Variants in DLG2 observed in about 807,000 individuals in gnomAD.
DLG2 encodes discs large MAGUK scaffold protein 2, also known as disks large homolog 2.
DLG2 carries 45 observed loss-of-function variants against 132.5 expected under a neutral mutation model. The ratio of observed to expected loss-of-function variants is 0.34; its 90% confidence interval spans 0.27 to 0.44. The LOEUF is 0.44. Ranked by LOEUF, DLG2 falls within the 20% of genes least tolerant of loss-of-function variation. The pLI, the probability that DLG2 is intolerant of heterozygous loss-of-function variation, is 1.00. For missense variants in DLG2, 1,045 were observed against 1,196.9 expected, an observed-to-expected ratio of 0.87 and a Z score of 1.87; for synonymous variants, 424 against 419.6, an observed-to-expected ratio of 1.01 and a Z score of -0.13.
At chr11:84,798,612 T>C (rs1302849970) in intron 6 of DLG2, among the ~76,000 whole-genome samples, 2 of 152,168 alleles carry the variant, frequency 1.3e-5, no homozygotes, top group Admixed American at 6.5e-5. Flanking sequence ...AGAAATGCTG[T>C]CCAAGAGCCT....
chr11:85,423,342 T>C (rs79481548), intron 3 of DLG2, among the ~76,000 whole-genome samples: 5,365 of 152,314 alleles, frequency 0.035, 148 homozygotes, highest in Admixed American at 0.051. Flanking sequence ...GGCAGGTGGA[T>C]GTACTGGATC....
At chr11:84,843,517 T>C (rs1566121554) in intron 6 of DLG2, among the ~76,000 whole-genome samples, 2 of 151,880 alleles carry the variant, frequency 1.3e-5, no homozygotes, top group South Asian at 2.1e-4. Context: ...TTCCTTTGTA[T>C]AATAGGGAGA....
At chr11:85,403,347 G>A (rs1237675834) in intron 3 of DLG2, among the ~76,000 whole-genome samples, 1 of 152,058 alleles carries the variant, frequency 6.6e-6, no homozygotes, top group South Asian at 2.1e-4. Context: ...GTCAGTTGGT[G>A]GGGGCTGGGG....
intron 18 of DLG2, among the ~76,000 whole-genome samples, chr11:83,733,694 A>C (rs1401697674): frequency 6.6e-6 from 1 of 152,194 alleles, no homozygotes; most frequent in African/African-American, 2.4e-5. Flanking sequence ...AACTATGCCC[A>C]GTTCTAGCAA....
At chr11:84,799,688 T>A (rs1236947683) in intron 6 of DLG2, among the ~76,000 whole-genome samples, 1 of 151,678 alleles carries the variant, frequency 6.6e-6, no homozygotes, top group Non-Finnish European at 1.5e-5. Flanking sequence ...TTCTTCATAA[T>A]TTTTTTTTAA....
At chr11:85,420,825 C>G (rs2090240045) in intron 3 of DLG2, among the ~76,000 whole-genome samples, 1 of 152,134 alleles carries the variant, frequency 6.6e-6, no homozygotes, top group Admixed American at 6.5e-5. Context: ...TCAGACTGCT[C>G]TGCTGGCAGC....
At chr11:83,508,061 G>A (rs2094821161) in intron 21 of DLG2, among the ~76,000 whole-genome samples, 4 of 151,718 alleles carry the variant, frequency 2.6e-5, no homozygotes, top group Admixed American at 2.6e-4. Flanking sequence ...CCCAGATTAA[G>A]GGTGGGTCTG....
intron 6 of DLG2, among the ~76,000 whole-genome samples, chr11:84,698,193 T>G (rs375069999): frequency 9.2e-5 from 14 of 151,380 alleles, no homozygotes; most frequent in African/African-American, 3.4e-4. Context: ...AAAGGTAGCA[T>G]GAAGGCAGAA....
At chr11:84,196,924 C>G (rs1597214330) in intron 8 of DLG2, among the ~76,000 whole-genome samples, 2 of 150,866 alleles carry the variant, frequency 1.3e-5, no homozygotes, top group East Asian at 3.9e-4. Flanking sequence ...GTAATCCCAG[C>G]TACAAGGGAG....
chr11:83,996,170 A>G (rs2094009868), intron 11 of DLG2, among the ~76,000 whole-genome samples: 1 of 152,206 alleles, frequency 6.6e-6, no homozygotes, highest in African/African-American at 2.4e-5. Context: ...AAATATCTGA[A>G]TGGACATTTC....
chr11:85,330,685 C>A (rs1343441609), intron 3 of DLG2, among the ~76,000 whole-genome samples: 1 of 102,042 alleles, frequency 9.8e-6, no homozygotes, highest in Non-Finnish European at 1.9e-5. Flanking sequence ...CTAGATGACA[C>A]GTTAGTGGGT....
intron 6 of DLG2, among the ~76,000 whole-genome samples, chr11:84,714,623 T>TTCTCTTTCTC (rs2060951658): frequency 3.8e-5 from 4 of 105,044 alleles, no homozygotes; most frequent in African/African-American, 1.7e-4. Flanking sequence ...CTCTTTCTCT[T>TTCTCTTTCTC]TCTCTCTCTC....
intron 9 of DLG2, among the ~76,000 whole-genome samples, chr11:84,154,460 C>G (rs972791242): frequency 5.3e-5 from 8 of 152,170 alleles, no homozygotes; most frequent in African/African-American, 1.9e-4. Flanking sequence ...CACATTTTCC[C>G]CTTGTTCTTT....
At chr11:84,117,444 A>G (rs1439429247) in intron 9 of DLG2, among the ~76,000 whole-genome samples, 2 of 152,214 alleles carry the variant, frequency 1.3e-5, no homozygotes, top group Admixed American at 6.5e-5. Context: ...CTTTCAGCTT[A>G]AGTCTGGGCT....
At chr11:85,533,126 C>A (rs865974585) in intron 3 of DLG2, among the ~76,000 whole-genome samples, 1 of 152,124 alleles carries the variant, frequency 6.6e-6, no homozygotes, top group African/African-American at 2.4e-5. Flanking sequence ...CGGGTTCAAG[C>A]AATTCCCCTG....
intron 3 of DLG2, among the ~76,000 whole-genome samples, chr11:85,574,790 G>A (rs1295644439): frequency 6.6e-6 from 1 of 152,172 alleles, no homozygotes; most frequent in Non-Finnish European, 1.5e-5. Flanking sequence ...CAGAAGCTGA[G>A]CAGATGCGGG....
In DLG2 at chr11:83,803,387, A is replaced by C. The variant is rs538450419; in HGVS notation, c.1723-16595T>G. ...AATTGTAGAAGGCTCATGTGTGTTA[A>C]ATGTTTTGCAAACCGTGGCACAATC... On this transcript the variant is annotated intron_variant, in intron 17 of 27. Coordinates refer to ENST00000376104, the MANE Select transcript of DLG2 (RefSeq NM_001142699.3). Among the ~76,000 whole-genome samples, 6 of 152,238 alleles carry C rather than the reference A, an allele frequency of 3.9e-5. No homozygotes were observed. The South Asian group carries it at 1.2e-3, about 32-fold the overall frequency.
chr11:84,635,800 C>T (rs1157513267), intron 6 of DLG2, among the ~76,000 whole-genome samples: 1 of 152,116 alleles, frequency 6.6e-6, no homozygotes, highest in Non-Finnish European at 1.5e-5. Flanking sequence ...AGATCACATA[C>T]TAAGAAAGTG....
intron 3 of DLG2, among the ~76,000 whole-genome samples, chr11:85,413,345 C>T (rs902688810): frequency 1.3e-5 from 2 of 152,034 alleles, no homozygotes; most frequent in African/African-American, 4.8e-5. Context: ...TTTTCCCACT[C>T]TGTGGGTTGT....
Sources: allele counts gnomAD v4.1 joint callset (sites outside exome capture counted in the v4.1 genomes callset), GRCh38; gene constraint gnomAD v4.1.1; transcripts MANE v1.5; gene names NCBI Gene and HGNC (gene_info 2026-07-23, HGNC 2026-07-21).